GALK2: variants seen among roughly 807,000 people sequenced by gnomAD.
GALK2 encodes galactokinase 2, also known as N-acetylgalactosamine kinase.
GALK2 carries 36 observed loss-of-function variants against 52.4 expected under a neutral mutation model. That is an observed-to-expected ratio of 0.69 (90% confidence interval 0.53 to 0.91). The LOEUF is 0.91. Ranked by LOEUF, GALK2 falls within the 40% of genes least tolerant of loss-of-function variation. GALK2 has a pLI of 0.00. For synonymous variants in GALK2, 176 were observed against 199.1 expected (o/e 0.88, Z 0.98); for missense variants, 579 against 559.1 (o/e 1.04, Z -0.36).
chr15:49,273,779 G>A (rs149379652), intron 5 of GALK2, among the ~76,000 whole-genome samples: 2,526 of 152,222 alleles, frequency 0.017, 32 homozygotes, highest in South Asian at 0.03. Context: ...TTGAAAGTTA[G>A]GGTGGAGAAG....
chr15:49,270,485 A>C lies in GALK2; in HGVS notation c.505-11502A>C, dbSNP rs144186346. On this transcript the variant is annotated intron_variant, in intron 5 of 9. Transcript: ENST00000560031. ...CTCTGCAATGTCTGAAAACAAATGC[A>C]AGAGTGGTGTTCACATGACTCTTTC... Among the ~76,000 whole-genome samples the C allele has an allele frequency of 5.4e-3, 828 of 152,362 alleles. 2 individuals are homozygous for C. The highest frequency in any genetic ancestry group is 9.3e-3 in the Non-Finnish European group (631 of 68,034).
At chr15:49,363,749 T>A (rs1326749601) in intron 3 of GALK2, among the ~76,000 whole-genome samples, 2 of 152,174 alleles carry the variant, frequency 1.3e-5, no homozygotes, top group Non-Finnish European at 2.9e-5. Context: ...TTGCTGTGGG[T>A]TTGTCATAGA....
chr15:49,351,210 C>A (rs983047681), intron 3 of GALK2, among the ~76,000 whole-genome samples: 1 of 152,104 alleles, frequency 6.6e-6, no homozygotes, highest in Admixed American at 6.5e-5. Context: ...ATACACTGTG[C>A]TTCTATACAA....
chr15:49,193,077 A>T (rs1237096069), intron 1 of GALK2, among the ~76,000 whole-genome samples: 3 of 148,630 alleles, frequency 2.0e-5, no homozygotes, highest in African/African-American at 5.0e-5. Context: ...GGCTCACTGT[A>T]ACCTCCACCT....
At chr15:49,158,401 C>T (rs529026966) in intron 1 of GALK2, among the ~76,000 whole-genome samples, 3 of 152,088 alleles carry the variant, frequency 2.0e-5, no homozygotes, top group East Asian at 1.9e-4. Flanking sequence ...TAGTTCAGTA[C>T]AATAATTGTT....
At chr15:49,327,782 T>C in intron 9 of GALK2, 170 bp from the exon 10 acceptor site, 1 of 541,994 alleles carries the variant, frequency 1.8e-6, no homozygotes, top group Non-Finnish European at 3.0e-6. Context: ...TCCAAATCAC[T>C]CTCTGAAACA....
At chr15:49,161,772 G>T in intron 1 of GALK2, 1 of 183,960 alleles carries the variant, frequency 5.4e-6, no homozygotes. Context: ...AGTCTAGAGT[G>T]CAGTGGCATG....
At chr15:49,212,663 T>C (rs1486638236) in intron 2 of GALK2, among the ~76,000 whole-genome samples, 1 of 152,184 alleles carries the variant, frequency 6.6e-6, no homozygotes, top group South Asian at 2.1e-4. Flanking sequence ...TTTTTTGTAC[T>C]GCTCTTTCTG....
In GALK2 at chr15:49,208,954, G is replaced by T. The variant is rs368627954; in HGVS notation, c.142+7704G>T. Among the ~76,000 whole-genome samples the T allele has an allele frequency of 2.0e-3, 312 of 152,210 alleles. 3 individuals carry two copies. The highest frequency in any genetic ancestry group is 7.2e-3 in the African/African-American group (299 of 41,540). ...CTGCTCTTGCTTTGAAATTTGTTTT[G>T]TCTAATATAAGAATGGCTACCTCTG... is the stretch of plus-strand genomic sequence containing the variant. On this transcript the variant is annotated intron_variant, in intron 2 of 9. Coordinates refer to ENST00000560031, the MANE Select transcript of GALK2 (RefSeq NM_002044.4).
intron 1 of GALK2, among the ~76,000 whole-genome samples, chr15:49,189,251 C>A (rs144578475): frequency 1.1e-4 from 16 of 152,090 alleles, no homozygotes; most frequent in Non-Finnish European, 2.1e-4. Flanking sequence ...TACTTGAATG[C>A]GTATTTCCTA....
At chr15:49,293,244 T>C (rs534842426) in intron 8 of GALK2, among the ~76,000 whole-genome samples, 2 of 152,160 alleles carry the variant, frequency 1.3e-5, no homozygotes, top group Non-Finnish European at 2.9e-5. Context: ...CTACAACTGG[T>C]TGTTGAGTTG....
intron 1 of GALK2, among the ~76,000 whole-genome samples, chr15:49,182,796 A>G (rs2086071979): frequency 6.6e-6 from 1 of 152,192 alleles, no homozygotes; most frequent in African/African-American, 2.4e-5. Context: ...CTTTTGAAAA[A>G]TGTTTATTCA....
chr15:49,211,833 C>T (rs903007716), intron 2 of GALK2, among the ~76,000 whole-genome samples: 1 of 152,144 alleles, frequency 6.6e-6, no homozygotes, highest in Non-Finnish European at 1.5e-5. Flanking sequence ...TTAGAAACCA[C>T]CTCCATGATT....
chr15:49,296,077 G>T (rs1021201651), intron 8 of GALK2, among the ~76,000 whole-genome samples: 1 of 152,016 alleles, frequency 6.6e-6, no homozygotes, highest in Non-Finnish European at 1.5e-5. Flanking sequence ...TAAAAATGAG[G>T]CATGCTTCAT....
chr15:49,160,929 A>G (rs1174613650), intron 1 of GALK2, among the ~76,000 whole-genome samples: 2 of 152,120 alleles, frequency 1.3e-5, no homozygotes, highest in African/African-American at 4.8e-5. Context: ...AGTAAATCAC[A>G]TGGTTACTCT....
rs995038091 is a variant in GALK2, at chr15:49,187,524, C to T, written c.54-13638C>T. Among the ~76,000 whole-genome samples the T allele has an allele frequency of 3.3e-5, 5 of 152,138 alleles. 1 individual carries two copies. Among genetic ancestry groups the T allele is most frequent in the African/African-American group, 7.2e-5 (3 of 41,408 alleles). ...TTTCTCTTTAGGGTGATGAGCTCCC[C>T]CTAAGCCCAGGATTGGTCCAGAAAT... On this transcript the variant is annotated intron_variant, in intron 1 of 9. Transcript: ENST00000560031.
chr15:49,233,805 TG>T (rs2090638282), intron 3 of GALK2, among the ~76,000 whole-genome samples: 1 of 152,174 alleles, frequency 6.6e-6, no homozygotes, highest in African/African-American at 2.4e-5. Flanking sequence ...CTCTATCAAA[TG>T]CGGACTTTTA....
intron 5 of GALK2, among the ~76,000 whole-genome samples, chr15:49,270,733 T>G (rs7167555): frequency 0.66 from 100,255 of 152,054 alleles, 33,644 homozygotes; most frequent in African/African-American, 0.74. Flanking sequence ...TGACTCGGAT[T>G]ATGATTCATA....
chr15:49,220,566 A>G (rs1307454108), intron 3 of GALK2, among the ~76,000 whole-genome samples: 1 of 152,144 alleles, frequency 6.6e-6, no homozygotes, highest in African/African-American at 2.4e-5. Flanking sequence ...TCCCCTTGAT[A>G]TACTGATTTC....
Sources: gnomAD v4.1 joint callset for allele counts (sites outside exome capture counted in the v4.1 genomes callset) on GRCh38, gnomAD v4.1.1 for gene constraint, MANE v1.5 for transcripts, NCBI Gene and HGNC (gene_info 2026-07-23, HGNC 2026-07-21) for gene names.